FANCC: variants seen among roughly 807,000 people sequenced by gnomAD.
FANCC encodes the protein FA complementation group C, also known as Fanconi anemia group C protein.
A neutral mutation model predicts 71.3 loss-of-function variants in FANCC; 55 were observed. The ratio of observed to expected loss-of-function variants is 0.77; its 90% CI spans 0.62 to 0.97. The LOEUF (loss-of-function observed/expected upper bound fraction) is 0.97. FANCC is among the 50% of genes least tolerant of loss of function. The pLI is 0.00. For synonymous variants in FANCC, 275 were observed against 244.9 expected (o/e 1.12, Z -1.15); for missense variants, 678 against 670.9 (o/e 1.01, Z -0.12).
rs1032648434 is a variant in FANCC at position 95,139,520 on chromosome 9, C to T, written c.687-4018G>A. ...CTATAAACACTGCAGTGTGCACCCA[C>T]GGGGATGGCGGAACAGAGTGTGGGC... On this transcript the variant is annotated intron_variant, in intron 7 of 14. Transcript: ENST00000289081. Among the ~76,000 whole-genome samples the T allele has an allele frequency of 8.5e-5, 13 of 152,198 alleles. No homozygotes were observed. The East Asian group carries it at 2.3e-3, about 27-fold the overall frequency.
chr9:95,294,955 C>A, intron 1 of FANCC: 1 of 631,714 alleles, frequency 1.6e-6, no homozygotes, highest in Non-Finnish European at 2.4e-6. Context: ...GCCTTTTGTA[C>A]TTGTAAACAG....
Position 95,101,747 on chromosome 9 carries a change from A to G in FANCC, c.1637T>C (p.Leu546Pro), listed in dbSNP as rs1179664167. 1.2e-6 allele frequency: 2 copies of G among 1,613,944 alleles called. No homozygotes were observed. The highest frequency in any genetic ancestry group is 1.7e-6 in the Non-Finnish European group (2 of 1,180,002). ...CAGCTCTTTAAGGAGCTCTCGGGCC[A>G]GTTTTTCTGATCTAGGGCTTTCAAT... ...LGIESPRSEK[L>P]ARELLKELRT... Residue 546 changes from leucine (L) to proline (P), a missense_variant, in exon 15 of 15, where the codon CTG (leucine) becomes CCG (proline). Leu to Pro is a moderately conservative substitution (Grantham distance 98). Coordinates refer to ENST00000289081, the MANE Select transcript of FANCC (RefSeq NM_000136.3).
At chr9:95,317,392 G>A (rs1440118029) in intron 1 of FANCC, 134 bp downstream of exon 1, 3 of 152,286 alleles carry the variant, frequency 2.0e-5, no homozygotes, top group Non-Finnish European at 2.9e-5. Context: ...ACCGCAAGGC[G>A]CGCCTGGCCC....
Position 95,252,294 on chromosome 9 carries a change from AG to A in FANCC, c.-78-2926del, listed in dbSNP as rs1470462290. ...TGATTCAAAAAAAAAAAAAAAAAAA[AG>A]AAAAAAAAAAGAAACAAAGAAACTG... On this transcript the variant is annotated intron_variant, in intron 1 of 14. Coordinates refer to ENST00000289081, the MANE Select transcript of FANCC (RefSeq NM_000136.3). Among the ~76,000 whole-genome samples, 64 of 148,606 alleles carry A rather than the reference AG, an allele frequency of 4.3e-4. 1 individual carries two copies. In the East Asian group the frequency reaches 8.2e-3, roughly 19 times the overall value.
At chr9:95,276,027 T>C (rs1218409324) in intron 1 of FANCC, among the ~76,000 whole-genome samples, 1 of 152,230 alleles carries the variant, frequency 6.6e-6, no homozygotes, top group Non-Finnish European at 1.5e-5. Context: ...ACAATTTCAC[T>C]AAAATCAGAC....
At chr9:95,126,862 G>C in intron 8 of FANCC, 3 of 419,722 alleles carry the variant, frequency 7.1e-6, no homozygotes, top group South Asian at 7.0e-5. Flanking sequence ...TACAGAATCA[G>C]TAAGTATTAG....
chr9:95,180,763 A>G (rs1043813527), intron 4 of FANCC, among the ~76,000 whole-genome samples: 12 of 152,112 alleles, frequency 7.9e-5, no homozygotes, highest in Middle Eastern at 3.2e-3. Flanking sequence ...ATATAATTAT[A>G]TGTGTTATCC....
At chr9:95,284,774 G>A (rs1833575672) in intron 1 of FANCC, among the ~76,000 whole-genome samples, 3 of 151,950 alleles carry the variant, frequency 2.0e-5, no homozygotes, top group Admixed American at 6.6e-5. Flanking sequence ...AAGATTAAAT[G>A]AGATAAATAT....
chr9:95,310,615 C>T (rs571823496), intron 1 of FANCC, among the ~76,000 whole-genome samples: 76 of 152,170 alleles, frequency 5.0e-4, no homozygotes, highest in African/African-American at 1.8e-3. Context: ...GAGCTTATGC[C>T]CATCCTTAAC....
At chr9:95,263,848 G>C (rs1305970781) in intron 1 of FANCC, among the ~76,000 whole-genome samples, 1 of 152,150 alleles carries the variant, frequency 6.6e-6, no homozygotes, top group Non-Finnish European at 1.5e-5. Context: ...ACTTTTGCTC[G>C]CCTATCAAAC....
intron 4 of FANCC, among the ~76,000 whole-genome samples, chr9:95,225,586 T>C (rs577611877): frequency 6.6e-6 from 1 of 152,208 alleles, no homozygotes; most frequent in East Asian, 1.9e-4. Context: ...ACTGAAAACA[T>C]AAAACAGGTC....
Position 95,271,401 on chromosome 9 carries a change from C to G in FANCC, c.-78-22032G>C, listed in dbSNP as rs1832705327. On this transcript the variant is annotated intron_variant, in intron 1 of 14. Coordinates refer to ENST00000289081, the MANE Select transcript of FANCC (RefSeq NM_000136.3). ...GGGTAGGCCACATGCAACCTTATGA[C>G]AGAGGCAGAGCAAGTTGGAGACAGA... Among the ~76,000 whole-genome samples, 5 of 152,292 alleles carry G rather than the reference C, an allele frequency of 3.3e-5. No homozygotes were observed. The South Asian group carries it at 1.0e-3, about 32-fold the overall frequency.
At chr9:95,292,630 C>T in intron 1 of FANCC, 2 of 1,414,514 alleles carry the variant, frequency 1.4e-6, no homozygotes, top group South Asian at 2.3e-5. Flanking sequence ...CCCAACAGCC[C>T]CGCGCTCAAC....
intron 8 of FANCC, 81 bp downstream of exon 8, chr9:95,135,265 C>G: frequency 7.5e-7 from 1 of 1,332,936 alleles, no homozygotes; most frequent in South Asian, 1.2e-5. Context: ...TTACATCCCC[C>G]CCTTTCATTC....
intron 4 of FANCC, among the ~76,000 whole-genome samples, chr9:95,205,826 A>T (rs1328501765): frequency 6.6e-6 from 1 of 152,230 alleles, no homozygotes; most frequent in Non-Finnish European, 1.5e-5. Flanking sequence ...ACATTTTTGA[A>T]TGAGGAAGAA....
chr9:95,299,331 G>A (rs1834583366), intron 1 of FANCC, among the ~76,000 whole-genome samples: 1 of 152,162 alleles, frequency 6.6e-6, no homozygotes, highest in African/African-American at 2.4e-5. Flanking sequence ...GAAACTGTAT[G>A]TGGTTCCTCT....
In FANCC at chr9:95,264,079, C is replaced by T. The variant is rs73654543; in HGVS notation, c.-78-14710G>A. Among the ~76,000 whole-genome samples the T allele has an allele frequency of 3.7e-3, 571 of 152,338 alleles. 1 individual carries two copies. Among genetic ancestry groups the T allele is most frequent in the African/African-American group, 0.013 (557 of 41,576 alleles). ...TGCAAACAGCAAAGAAGAATCACAG[C>T]CCCGTGTCCTCACAGCATAGTTGAG... is the stretch of plus-strand genomic sequence containing the variant. On this transcript the variant is annotated intron_variant, in intron 1 of 14. Transcript: ENST00000289081.
chr9:95,157,929 A>G (rs1203448756), intron 6 of FANCC, among the ~76,000 whole-genome samples: 1 of 152,176 alleles, frequency 6.6e-6, no homozygotes, highest in Non-Finnish European at 1.5e-5. Context: ...TGTCCCCAGA[A>G]CCACAGTCTT....
intron 13 of FANCC, among the ~76,000 whole-genome samples, chr9:95,107,735 G>A (rs946269959): frequency 6.6e-6 from 1 of 152,078 alleles, no homozygotes; most frequent in East Asian, 1.9e-4. Flanking sequence ...GGGGGGTCGG[G>A]GGGAACACAC....
Sources: allele counts gnomAD v4.1 joint callset (sites outside exome capture counted in the v4.1 genomes callset), GRCh38; gene constraint gnomAD v4.1.1; transcripts MANE v1.5; gene names NCBI Gene and HGNC (gene_info 2026-07-23, HGNC 2026-07-21).